The following ARNT2 variants were observed in gnomAD, a reference collection of about 807,000 sequenced individuals.
The protein encoded by ARNT2 is ARNT protein 2.
In ARNT2, 36 loss-of-function variants were observed where a neutral mutation model predicts 91.7. That is an observed-to-expected ratio of 0.39 (90% confidence interval 0.30 to 0.52). The LOEUF is 0.52. Ranked by LOEUF, ARNT2 falls within the 20% of genes least tolerant of loss-of-function variation. The pLI is 0.72. For missense variants in ARNT2, 775 were observed against 939.3 expected (o/e 0.83, Z 2.29); for synonymous variants, 365 against 347.1 (o/e 1.05, Z -0.57).
intron 14 of ARNT2, among the ~76,000 whole-genome samples, chr15:80,576,402 G>A (rs527448507): frequency 3.6e-4 from 54 of 151,860 alleles, no homozygotes; most frequent in Admixed American, 2.5e-3. Context: ...TCAGCCTCCC[G>A]AGTAGCTGGA....
At chr15:80,571,119 G>C (rs762348503) in intron 12 of ARNT2, among the ~76,000 whole-genome samples, 17 of 152,236 alleles carry the variant, frequency 1.1e-4, no homozygotes, top group Non-Finnish European at 1.6e-4. Flanking sequence ...TTCCCCAGAT[G>C]AAAGTTATAG....
intron 12 of ARNT2, among the ~76,000 whole-genome samples, chr15:80,570,332 C>T (rs1567004704): frequency 6.6e-6 from 1 of 152,162 alleles, no homozygotes; most frequent in African/African-American, 2.4e-5. Context: ...GTCTCAGTTG[C>T]TTTATCTCTA....
At chr15:80,478,298 T>A (rs923173169) in intron 5 of ARNT2, among the ~76,000 whole-genome samples, 7 of 152,224 alleles carry the variant, frequency 4.6e-5, no homozygotes, top group African/African-American at 1.7e-4. Flanking sequence ...GAAGCGATGG[T>A]CAAGGCAGGT....
At chr15:80,566,286 C>T (rs1300428413) in intron 12 of ARNT2, among the ~76,000 whole-genome samples, 5 of 151,898 alleles carry the variant, frequency 3.3e-5, no homozygotes, top group South Asian at 2.1e-4. Context: ...CCTTGCCTTC[C>T]AACAAACAGA....
At chr15:80,491,600 G>T (rs937320070) in intron 5 of ARNT2, among the ~76,000 whole-genome samples, 2 of 152,116 alleles carry the variant, frequency 1.3e-5, no homozygotes, top group Admixed American at 1.3e-4. Context: ...TACTGTTAGT[G>T]CAAGAAGCAG....
At chr15:80,477,274 G>T (rs1314229936) in intron 5 of ARNT2, among the ~76,000 whole-genome samples, 2 of 152,178 alleles carry the variant, frequency 1.3e-5, no homozygotes, top group Non-Finnish European at 2.9e-5. Context: ...AGTTCTAGAG[G>T]CTGGGAAGTC....
At position 80,593,808 on chromosome 15, in the gene ARNT2, C is replaced by T; in HGVS notation, c.*110C>T. 1.0e-6 allele frequency: 1 copy of T among 996,294 alleles called. No homozygotes were observed. Among genetic ancestry groups the T allele is most frequent in the South Asian group, 1.5e-5 (1 of 66,564 alleles). 61.7% of individuals were successfully genotyped at this position (996,294 alleles called of 1,614,324 possible). A position where few individuals can be genotyped will look rare whatever the true frequency, so the allele number is the denominator to read the frequency against. On this transcript the variant is annotated 3_prime_UTR_variant, in exon 19 of 19. Coordinates refer to ENST00000303329, the MANE Select transcript of ARNT2 (RefSeq NM_014862.4). ...TGCTTGCCCTGCCGCAGGCCCCCCA[C>T]CAGAAGCCATCTCCCCCGCTGTGTG... is the stretch of plus-strand genomic sequence containing the variant.
chr15:80,565,640 G>A (rs970077896), intron 12 of ARNT2, among the ~76,000 whole-genome samples: 2 of 151,566 alleles, frequency 1.3e-5, no homozygotes, highest in Admixed American at 1.3e-4. Flanking sequence ...GCGATGATGA[G>A]CATTTTTTTC....
At chr15:80,551,558 A>G (rs1898081397) in intron 9 of ARNT2, among the ~76,000 whole-genome samples, 1 of 152,156 alleles carries the variant, frequency 6.6e-6, no homozygotes, top group African/African-American at 2.4e-5. Context: ...ATCCCTGCTT[A>G]ACCCCCTTGA....
chr15:80,536,759 T>A (rs1897831597), intron 8 of ARNT2, among the ~76,000 whole-genome samples: 1 of 152,194 alleles, frequency 6.6e-6, no homozygotes, highest in Admixed American at 6.5e-5. Context: ...ACCAGCTGAC[T>A]TTCCTGAGTG....
intron 2 of ARNT2, among the ~76,000 whole-genome samples, chr15:80,455,173 G>A (rs998587188): frequency 1.3e-5 from 2 of 152,186 alleles, no homozygotes; most frequent in Non-Finnish European, 2.9e-5. Context: ...CATCTTGGCA[G>A]GTGTGGCTCT....
At chr15:80,504,383 G>C (rs1436693402) in intron 5 of ARNT2, among the ~76,000 whole-genome samples, 1 of 152,162 alleles carries the variant, frequency 6.6e-6, no homozygotes, top group African/African-American at 2.4e-5. Context: ...TTAATTCTTT[G>C]TGCTTACATT....
chr15:80,565,071 C>G (rs1356574948), intron 12 of ARNT2, among the ~76,000 whole-genome samples: 1 of 152,122 alleles, frequency 6.6e-6, no homozygotes, highest in Non-Finnish European at 1.5e-5. Context: ...TACAGGCACA[C>G]ACCACCACGC....
intron 1 of ARNT2, among the ~76,000 whole-genome samples, chr15:80,432,708 C>T (rs1896028456): frequency 6.6e-6 from 1 of 151,978 alleles, no homozygotes. Context: ...AGAGACACAA[C>T]AATGTTCCCA....
rs367956636 is a variant in ARNT2, at chr15:80,428,107, G to A, written c.32-22773G>A. Among the ~76,000 whole-genome samples, 476 of 152,302 alleles carry A rather than the reference G, an allele frequency of 3.1e-3. 2 individuals are homozygous for A. Among genetic ancestry groups the A allele is most frequent in the Admixed American group, 6.0e-3 (92 of 15,308 alleles). On this transcript the variant is annotated intron_variant, in intron 1 of 18. Coordinates refer to ENST00000303329, the MANE Select transcript of ARNT2 (RefSeq NM_014862.4). ...CCACTGCTCTTTGCACAATAAAAACGGTACTTGCTGAATGACTGAGTGGAA... is the reference window on the plus strand; with the variant it reads ...CCACTGCTCTTTGCACAATAAAAACAGTACTTGCTGAATGACTGAGTGGAA...
chr15:80,587,408 G>T (rs181317174), intron 17 of ARNT2, among the ~76,000 whole-genome samples: 41 of 152,016 alleles, frequency 2.7e-4, no homozygotes, highest in Admixed American at 1.4e-3. Flanking sequence ...TGGTTTGGTG[G>T]GGGGGTGGGG....
At chr15:80,462,957 G>A (rs1007671368) in intron 3 of ARNT2, among the ~76,000 whole-genome samples, 4 of 152,178 alleles carry the variant, frequency 2.6e-5, no homozygotes, top group Admixed American at 1.3e-4. Context: ...ATAGGTTGTG[G>A]TGATGTTTTA....
chr15:80,410,960 G>A (rs148524853), intron 1 of ARNT2, among the ~76,000 whole-genome samples: 16 of 152,108 alleles, frequency 1.1e-4, no homozygotes, highest in African/African-American at 3.4e-4. Flanking sequence ...CTCAGTTTTA[G>A]CCAAGCTCCT....
At chr15:80,570,101 C>A (rs1015677364) in intron 12 of ARNT2, among the ~76,000 whole-genome samples, 7 of 152,240 alleles carry the variant, frequency 4.6e-5, no homozygotes, top group African/African-American at 1.4e-4. Context: ...TGGGCTGGGG[C>A]AGCAGCCTAG....
Sources: gnomAD v4.1 joint callset for allele counts (sites outside exome capture counted in the v4.1 genomes callset) on GRCh38, gnomAD v4.1.1 for gene constraint, MANE v1.5 for transcripts, NCBI Gene and HGNC (gene_info 2026-07-23, HGNC 2026-07-21) for gene names.